TXNRD2: variants seen among roughly 807,000 people sequenced by gnomAD.
The protein encoded by TXNRD2 is thioredoxin reductase 2, mitochondrial.
In TXNRD2, 67 loss-of-function variants were observed where a neutral mutation model predicts 70.8. The ratio of observed to expected loss-of-function variants is 0.95; its 90% CI spans 0.78 to 1.16. The LOEUF (loss-of-function observed/expected upper bound fraction) is 1.16. Among genes scored for constraint, TXNRD2 ranks in the 50% most tolerant of loss-of-function variants. The probability of loss-of-function intolerance (pLI) is 0.00; values close to 1 mark genes in which losing one functional copy is unlikely to be tolerated. For missense variants in TXNRD2, 644 were observed against 719.9 expected, an observed-to-expected ratio of 0.89 and a Z score of 1.21; for synonymous variants, 301 against 295.8, an observed-to-expected ratio of 1.02 and a Z score of -0.18.
chr22:19,877,298 A>AC (rs1256070868), intron 16 of TXNRD2, 64 bp from the exon 17 acceptor site: 3 of 1,453,950 alleles, frequency 2.1e-6, no homozygotes, highest in African/African-American at 2.8e-5. Context: ...ACAGCATCCC[A>AC]CCCCCGGGAA....
intron 1 of TXNRD2, among the ~76,000 whole-genome samples, chr22:19,934,382 G>T: frequency 1.1e-5 from 1 of 93,750 alleles, no homozygotes; most frequent in Non-Finnish European, 2.1e-5. Flanking sequence ...CTCTGTCTCA[G>T]AAAAAAAAAA....
chr22:19,890,274 C>G (rs1939208999), intron 11 of TXNRD2, among the ~76,000 whole-genome samples: 2 of 152,184 alleles, frequency 1.3e-5, no homozygotes, highest in African/African-American at 4.8e-5. Context: ...TTCATCTTGG[C>G]CCCACTTCAA....
intron 17 of TXNRD2, chr22:19,876,358 GGCCCCT>G (rs1938505605): frequency 6.6e-6 from 1 of 152,360 alleles, no homozygotes; most frequent in African/African-American, 2.4e-5. Flanking sequence ...ACCCTGCCCC[GGCCCCT>G]GCCCTGCAGC....
At chr22:19,922,447 A>G (rs984664464) in intron 2 of TXNRD2, among the ~76,000 whole-genome samples, 11 of 152,174 alleles carry the variant, frequency 7.2e-5, no homozygotes, top group Non-Finnish European at 5.9e-5. Flanking sequence ...GACCACATTA[A>G]GTATTCAAAT....
At chr22:19,918,835 G>T in intron 4 of TXNRD2, 25 bp downstream of exon 4, 1 of 1,603,036 alleles carries the variant, frequency 6.2e-7, no homozygotes. Context: ...AAAAGCACTG[G>T]AATGCCACGG....
rs1601408637 is a variant in TXNRD2 at position 19,894,947 on chromosome 22, G to A, written c.949+460C>T. The stretch of plus-strand genomic sequence containing the variant: ...AGGTTGCCACTGCACTCCAGCCTGG[G>A]CGACAGAGCGAGACTCCATCTCAAA... On this transcript the variant is annotated intron_variant, in intron 11 of 17. Coordinates refer to ENST00000400521, the MANE Select transcript of TXNRD2 (RefSeq NM_006440.5). 1.5e-5 allele frequency: 21 copies of A among 1,383,088 alleles called. No homozygotes were observed. In the East Asian group the frequency reaches 5.6e-4, roughly 37 times the overall value. 85.7% of individuals were successfully genotyped at this position (1,383,088 alleles called of 1,614,324 possible).
chr22:19,909,655 TCA>T (rs1381525377), intron 8 of TXNRD2, among the ~76,000 whole-genome samples: 5 of 37,792 alleles, frequency 1.3e-4, no homozygotes, highest in Non-Finnish European at 1.5e-4. Flanking sequence ...CACACACCAT[TCA>T]CACACACACC....
At chr22:19,936,217 C>T (rs75909152) in intron 1 of TXNRD2, among the ~76,000 whole-genome samples, 1 of 152,136 alleles carries the variant, frequency 6.6e-6, no homozygotes, top group African/African-American at 2.4e-5. Context: ...CCGTGACACC[C>T]TGCAGTTACC....
At chr22:19,940,271 A>G (rs1458833099) in intron 1 of TXNRD2, among the ~76,000 whole-genome samples, 2 of 143,842 alleles carry the variant, frequency 1.4e-5, no homozygotes, top group African/African-American at 2.5e-5. Context: ...AAAAAACCCC[A>G]AAAAAACAAC....
intron 11 of TXNRD2, 193 bp downstream of exon 11, chr22:19,895,214 G>C: frequency 6.3e-7 from 1 of 1,598,040 alleles, no homozygotes; most frequent in Non-Finnish European, 8.5e-7. Context: ...GGGATGGCAA[G>C]ATGGGCACAG....
intron 8 of TXNRD2, among the ~76,000 whole-genome samples, chr22:19,906,210 T>G (rs544137426): frequency 6.6e-6 from 1 of 152,246 alleles, no homozygotes; most frequent in African/African-American, 2.4e-5. Context: ...ATGGGCATGC[T>G]CACAGACACG....
rs544247835 is a variant in TXNRD2 at position 19,902,721 on chromosome 22, G to A, written c.663-3653C>T. ...CTTGTCATGTCTTAGCCACAGGGAC[G>A]CACACAGAGAGGTGGCGGGGGCTTT... On this transcript the variant is annotated intron_variant, in intron 8 of 17. Transcript: ENST00000400521. 1.2e-4 allele frequency among the ~76,000 whole-genome samples: 19 copies of A among 152,354 alleles called. 1 individual carries two copies. Among genetic ancestry groups the A allele is most frequent in the East Asian group, 1.2e-3 (6 of 5,184 alleles).
intron 8 of TXNRD2, chr22:19,903,037 G>A (rs745983670): frequency 9.6e-6 from 5 of 518,556 alleles, no homozygotes; most frequent in South Asian, 7.0e-5. Context: ...TCTGCCTCTT[G>A]GAGCCCCAGG....
intron 2 of TXNRD2, among the ~76,000 whole-genome samples, chr22:19,920,411 C>T (rs1354667444): frequency 1.3e-5 from 2 of 152,028 alleles, no homozygotes; most frequent in African/African-American, 4.8e-5. Context: ...AACGTGTCTC[C>T]ACTAAAAATA....
chr22:19,899,670 T>C (rs1319042187), intron 8 of TXNRD2, among the ~76,000 whole-genome samples: 1 of 152,248 alleles, frequency 6.6e-6, no homozygotes, highest in African/African-American at 2.4e-5. Flanking sequence ...AAACCCTCTA[T>C]TGTTCAACCC....
intron 1 of TXNRD2, among the ~76,000 whole-genome samples, chr22:19,935,548 ACCTACTC>A (rs1350109487): frequency 6.6e-6 from 1 of 152,024 alleles, no homozygotes; most frequent in African/African-American, 2.4e-5. Flanking sequence ...GATCTTTGTG[ACCTACTC>A]CCTATTGGCA....
At chr22:19,936,613 T>G (rs902405632) in intron 1 of TXNRD2, among the ~76,000 whole-genome samples, 1 of 152,122 alleles carries the variant, frequency 6.6e-6, no homozygotes, top group South Asian at 2.1e-4. Context: ...ACCGGTCACT[T>G]TGCCATCCAC....
intron 6 of TXNRD2, 22 bp downstream of exon 6, chr22:19,915,743 C>G (rs62222133): frequency 2.5e-6 from 4 of 1,613,186 alleles, no homozygotes; most frequent in Non-Finnish European, 3.4e-6. Flanking sequence ...CAAGGAGCCA[C>G]GCGAGTAAGT....
chr22:19,899,130 C>G lies in TXNRD2; in HGVS notation c.663-62G>C. The G allele has an allele frequency of 2.5e-6, 4 of 1,600,894 alleles. No homozygotes were observed. The South Asian group carries it at 4.4e-5, about 18-fold the overall frequency. On this transcript the variant is annotated intron_variant, in intron 8 of 17. Coordinates refer to ENST00000400521, the MANE Select transcript of TXNRD2 (RefSeq NM_006440.5). ...GAGGCCCTTATTGACCAAGTGCAGT[C>G]AGAGCAGAACCCCGCAGCCTTTGCC...
Sources: allele counts gnomAD v4.1 joint callset (sites outside exome capture counted in the v4.1 genomes callset), GRCh38; gene constraint gnomAD v4.1.1; transcripts MANE v1.5; gene names NCBI Gene and HGNC (gene_info 2026-07-23, HGNC 2026-07-21).